Variants in INSR observed in about 807,000 individuals in gnomAD.
The protein encoded by INSR is insulin receptor.
INSR carries 67 observed loss-of-function variants against 142.6 expected under a neutral mutation model. The observed-to-expected ratio is 0.47, with a 90% CI of 0.39 to 0.58. The LOEUF (loss-of-function observed/expected upper bound fraction) is 0.58, where lower values mean the gene tolerates loss of function less well. Ranked by LOEUF, INSR falls within the 20% of genes least tolerant of loss-of-function variation. The pLI is 0.00. For missense variants in INSR, 1,248 were observed against 1,833.2 expected (o/e 0.68, Z 5.83); for synonymous variants, 756 against 743.1 (o/e 1.02, Z -0.28).
At chr19:7,249,749 T>C (rs912183291) in intron 2 of INSR, among the ~76,000 whole-genome samples, 1 of 152,048 alleles carries the variant, frequency 6.6e-6, no homozygotes, top group East Asian at 1.9e-4. Context: ...TCCCAGCACT[T>C]TGGGAGGCCA....
At chr19:7,283,430 A>G (rs1968261025) in intron 1 of INSR, among the ~76,000 whole-genome samples, 1 of 152,022 alleles carries the variant, frequency 6.6e-6, no homozygotes, top group Non-Finnish European at 1.5e-5. Context: ...ACAAACCCAC[A>G]GTTTTGTTTG....
rs549650753 is a variant in INSR at position 7,168,674 on chromosome 19, G to A, written c.1484-580C>T. On this transcript the variant is annotated intron_variant, in intron 6 of 21. Coordinates refer to ENST00000302850, the MANE Select transcript of INSR (RefSeq NM_000208.4). This position sits in a 1 kb window ranked among gnomAD's most constrained non-coding sequence, Gnocchi z 4.3. ...GTCTTGCTCTGTCACCAAGGCTGGA[G>A]TGCAGTCCACCTACCGGGTTTAAGC... 3.9e-5 allele frequency among the ~76,000 whole-genome samples: 6 copies of A among 152,224 alleles called. No homozygotes were observed. The East Asian group carries it at 1.2e-3, about 29-fold the overall frequency.
At position 7,174,619 on chromosome 19, in the gene INSR, T is replaced by C. The variant is rs1974093827; in HGVS notation, c.1087A>G (p.Ile363Val). Residue 363 changes from isoleucine (I) to valine (V), a missense_variant, in exon 4 of 22, where the codon ATC becomes GTC. Physicochemically the swap from Ile to Val is conservative, Grantham distance 29 (BLOSUM62 3). Transcript: ENST00000302850. ...SAQELRGCTV[I>V]NGSLIINIRG... ...ATGTTGATGATCAGACTCCCGTTGA[T>C]GACGGTGCATCCTCGGAGCTCCTGG... 6.2e-7 allele frequency: 1 copy of C among 1,613,902 alleles called. No homozygotes were observed. Among genetic ancestry groups the C allele is most frequent in the African/African-American group, 1.3e-5 (1 of 74,890 alleles).
rs761175486 is a variant in INSR, at chr19:7,150,478, T to C, written c.2267+19A>G. ...CCCTGCGCGGAGCAGGCACCAGGGG[T>C]CGCACAGGTGAGTCATACCTAGGGT... On this transcript the variant is annotated intron_variant, in intron 11 of 21. Transcript: ENST00000302850. The surrounding 1 kb of genome is among the most constrained non-coding windows in gnomAD (Gnocchi z 4.2). 3.6e-5 allele frequency: 58 copies of C among 1,613,044 alleles called. No homozygotes were observed. The highest frequency in any genetic ancestry group is 4.7e-5 in the Non-Finnish European group (56 of 1,179,162).
At chr19:7,130,857 TTCTC>T (rs1338764271) in intron 14 of INSR, among the ~76,000 whole-genome samples, 3 of 151,378 alleles carry the variant, frequency 2.0e-5, no homozygotes, top group Admixed American at 6.6e-5. Context: ...TTTCTTTTTC[TTCTC>T]TCTCTCTTTC....
chr19:7,245,060 C>T (rs1283588734), intron 2 of INSR, among the ~76,000 whole-genome samples: 2 of 151,326 alleles, frequency 1.3e-5, no homozygotes, highest in South Asian at 2.1e-4. Context: ...CTCAGCCTCC[C>T]GAGTAGCTGG....
chr19:7,124,139 G>T (rs928949219), intron 17 of INSR, among the ~76,000 whole-genome samples: 2 of 151,666 alleles, frequency 1.3e-5, no homozygotes, highest in Non-Finnish European at 1.5e-5. Context: ...CAAGGCGGGT[G>T]GATCACGAGG....
chr19:7,250,103 T>C (rs1976664777), intron 2 of INSR, among the ~76,000 whole-genome samples: 1 of 151,400 alleles, frequency 6.6e-6, no homozygotes. Context: ...AGACTGCTGT[T>C]AGCTATGATC....
At chr19:7,161,062 A>G (rs1250308316) in intron 9 of INSR, among the ~76,000 whole-genome samples, 2 of 149,826 alleles carry the variant, frequency 1.3e-5, no homozygotes, top group East Asian at 3.9e-4. Flanking sequence ...CTAGTTTGAG[A>G]CTTTAAATAT....
intron 2 of INSR, among the ~76,000 whole-genome samples, chr19:7,249,767 T>C (rs2081881): frequency 0.77 from 116,403 of 151,892 alleles, 44,894 homozygotes; most frequent in African/African-American, 0.84. Flanking sequence ...CCAAGGAGGG[T>C]GGATCACGAG....
intron 9 of INSR, among the ~76,000 whole-genome samples, chr19:7,158,461 A>G (rs994937350): frequency 6.6e-6 from 1 of 152,206 alleles, no homozygotes; most frequent in East Asian, 1.9e-4. Flanking sequence ...AGATCACGCC[A>G]CTGAACTCCA....
intron 11 of INSR, among the ~76,000 whole-genome samples, chr19:7,143,995 C>T (rs1225388379): frequency 1.3e-5 from 2 of 150,698 alleles, no homozygotes; most frequent in Non-Finnish European, 2.9e-5. Flanking sequence ...GCGGAGGTTG[C>T]AGTGAGCTGA....
intron 1 of INSR, among the ~76,000 whole-genome samples, chr19:7,279,904 A>C (rs1290925218): frequency 6.7e-6 from 1 of 149,368 alleles, no homozygotes; most frequent in Non-Finnish European, 1.5e-5. Flanking sequence ...GGAGGTGGAG[A>C]TTGCGGAGGC....
At chr19:7,212,498 C>T (rs997635676) in intron 2 of INSR, among the ~76,000 whole-genome samples, 11 of 152,168 alleles carry the variant, frequency 7.2e-5, no homozygotes, top group African/African-American at 2.4e-4. Context: ...GCTTCAATAG[C>T]GACAAGACAT....
intron 14 of INSR, among the ~76,000 whole-genome samples, chr19:7,130,893 T>G (rs1203050657): frequency 1.3e-5 from 2 of 150,936 alleles, no homozygotes; most frequent in Non-Finnish European, 2.9e-5. Flanking sequence ...CTTTTTTATT[T>G]TTTGAGACAG....
chr19:7,193,260 G>A (rs143126806), intron 2 of INSR, among the ~76,000 whole-genome samples: 70 of 151,982 alleles, frequency 4.6e-4, no homozygotes, highest in African/African-American at 1.4e-3. Context: ...GCAGGCTAAG[G>A]AGGCTAAGCC....
intron 1 of INSR, among the ~76,000 whole-genome samples, chr19:7,279,407 G>T (rs1004545273): frequency 6.6e-6 from 1 of 151,618 alleles, no homozygotes; most frequent in African/African-American, 2.4e-5. Flanking sequence ...GGGGCAGTTT[G>T]TGTGAACAGG....
chr19:7,146,344 C>T (rs1318873403), intron 11 of INSR, among the ~76,000 whole-genome samples: 1 of 149,724 alleles, frequency 6.7e-6, no homozygotes, highest in Non-Finnish European at 1.5e-5. Context: ...CAGGTTCAAG[C>T]GATTCTCCTG....
Position 7,132,317 on chromosome 19 carries a change from C to T in INSR, c.2683G>A (p.Glu895Lys). 6.2e-7 allele frequency: 1 copy of T among 1,613,822 alleles called. No homozygotes were observed. The highest frequency in any genetic ancestry group is 8.5e-7 in the Non-Finnish European group (1 of 1,179,962). Reference sequence around the variant, plus strand: ...TTGCGGGAGACGCAGAGATGCAGCTCCTGGGAGGAAGAGAGGAGGAGAAGG... The same window carrying T: ...TTGCGGGAGACGCAGAGATGCAGCTTCTGGGAGGAAGAGAGGAGGAGAAGG... ...EVSYRRYGDE[E>K]LHLCVSRKHF... Residue 895 changes from glutamate to lysine, a missense_variant and splice_region_variant, in exon 14 of 22, where the codon GAG (glutamate) becomes AAG (lysine). This residue lies in a region of INSR where 1,069 missense variants were observed against 1,654.0 expected (regional missense o/e 0.65). Transcript: ENST00000302850.
Sources: allele counts gnomAD v4.1 joint callset (sites outside exome capture counted in the v4.1 genomes callset), GRCh38; gene constraint gnomAD v4.1.1; regional missense constraint gnomAD v4.1.1; non-coding constraint Gnocchi (gnomAD v3.1); transcripts MANE v1.5; gene names NCBI Gene and HGNC (gene_info 2026-07-23, HGNC 2026-07-21).